SNUPN: variants seen among roughly 807,000 people sequenced by gnomAD.
SNUPN encodes snurportin-1.
A neutral mutation model predicts 39.2 loss-of-function variants in SNUPN; 31 were observed. That is an observed-to-expected ratio of 0.79 (90% CI 0.59 to 1.07). SNUPN has a LOEUF of 1.07. SNUPN is among the 50% of genes least tolerant of loss of function. The pLI, the probability that SNUPN is intolerant of heterozygous loss-of-function variation, is 0.00. For synonymous variants in SNUPN, 132 were observed against 159.0 expected, an observed-to-expected ratio of 0.83 and a Z score of 1.28; for missense variants, 382 against 434.2, an observed-to-expected ratio of 0.88 and a Z score of 1.07.
intron 3 of SNUPN, among the ~76,000 whole-genome samples, chr15:75,612,121 C>A (rs1892799493): frequency 6.6e-6 from 1 of 151,828 alleles, no homozygotes; most frequent in Non-Finnish European, 1.5e-5. Flanking sequence ...CAACCTCCAC[C>A]TCCCGGGTTC....
intron 2 of SNUPN, among the ~76,000 whole-genome samples, chr15:75,617,872 C>T (rs1004817244): frequency 5.3e-5 from 8 of 152,222 alleles, no homozygotes; most frequent in South Asian, 2.1e-4. Context: ...CATGAACCAC[C>T]GCATCTGGCC....
chr15:75,598,192 A>G lies in SNUPN; in HGVS notation c.*166T>C. The G allele has an allele frequency of 1.7e-6, 1 of 603,876 alleles. No homozygotes were observed. The allele number at this position is 603,876 out of a possible 1,614,324, so 37.4% of individuals were successfully genotyped here. ...CTACGCAATCTGGGAACCTCCCCAT[A>G]ACTGTTTGAGCCAGCATTTCAGATT... On this transcript the variant is annotated 3_prime_UTR_variant, in exon 9 of 9. Coordinates refer to ENST00000308588, the MANE Select transcript of SNUPN (RefSeq NM_005701.4).
In SNUPN at chr15:75,621,554, G is replaced by A. The variant is rs567312831; in HGVS notation, c.-5-498C>T. On this transcript the variant is annotated intron_variant, in intron 1 of 8. Coordinates refer to ENST00000308588, the MANE Select transcript of SNUPN (RefSeq NM_005701.4). The stretch of plus-strand genomic sequence containing the variant: ...TGGCATTATAGGTGTGAGCCACTGC[G>A]CCCGGCCTTTTCTGAGCAGTTCCTC... Among the ~76,000 whole-genome samples the A allele has an allele frequency of 6.6e-5, 10 of 152,174 alleles. No individual in the cohort carries two copies. The South Asian group carries it at 1.7e-3, about 25-fold the overall frequency.
Position 75,601,179 on chromosome 15 carries a change from C to T in SNUPN, c.718G>A (p.Glu240Lys), listed in dbSNP as rs142962123. 22 of 1,613,648 alleles carry T rather than the reference C, an allele frequency of 1.4e-5. No individual in the cohort carries two copies. Among genetic ancestry groups the T allele is most frequent in the African/African-American group, 5.3e-5 (4 of 74,916 alleles). The change falls in exon 8 of 9, where the codon GAA (glutamate) becomes AAA (lysine). Residue 240 changes from glutamate (E) to lysine (K), a missense_variant. Coordinates refer to ENST00000308588, the MANE Select transcript of SNUPN (RefSeq NM_005701.4). ...VGLKNFPCTP[E>K]SLCDVLSMDF... is the part of the protein sequence containing the mutation. ...ATAGATAGCACATCACACAGGCTTT[C>T]GGGAGTGCAAGGGAAGTTCTTTAGC...
chr15:75,615,585 AG>A (rs1892902996), intron 3 of SNUPN, among the ~76,000 whole-genome samples: 1 of 148,262 alleles, frequency 6.7e-6, no homozygotes, highest in Non-Finnish European at 1.5e-5. Context: ...CTTGGTTGGA[AG>A]GAATCTCATT....
chr15:75,609,556 A>G lies in SNUPN; in HGVS notation c.502+2T>C. The G allele has an allele frequency of 6.2e-7, 1 of 1,609,748 alleles. No homozygotes were observed. Among genetic ancestry groups the G allele is most frequent in the Non-Finnish European group, 8.5e-7 (1 of 1,175,974 alleles). On this transcript the variant is annotated splice_donor_variant, in intron 5 of 8. Coordinates refer to ENST00000308588, the MANE Select transcript of SNUPN (RefSeq NM_005701.4). LOFTEE classifies it high-confidence loss of function. The stretch of plus-strand genomic sequence containing the variant: ...CAATAAGTAGACACTCTATGTAGGT[A>G]CCTTTTGCTGTTGAGTTTCGCCTGT...
intron 2 of SNUPN, among the ~76,000 whole-genome samples, chr15:75,619,954 G>T (rs1195949738): frequency 6.6e-6 from 1 of 152,062 alleles, no homozygotes; most frequent in Non-Finnish European, 1.5e-5. Context: ...TCGCCATGTT[G>T]GTCAGGCCAG....
chr15:75,610,006 A>G lies in SNUPN; in HGVS notation c.304-12T>C. 1 of 1,600,794 alleles carries G rather than the reference A, an allele frequency of 6.2e-7. No individual in the cohort carries two copies. The highest frequency in any genetic ancestry group is 1.7e-4 in the Middle Eastern group (1 of 6,046). ...TCAGAAAGCATCAACTGGAAATGCA[A>G]AAAATAGTGTTAAAGATCAGCAGGG... On this transcript the variant is annotated splice_polypyrimidine_tract_variant and intron_variant, in intron 3 of 8. Coordinates refer to ENST00000308588, the MANE Select transcript of SNUPN (RefSeq NM_005701.4).
At chr15:75,618,635 T>G (rs1423897989) in intron 2 of SNUPN, among the ~76,000 whole-genome samples, 2 of 152,176 alleles carry the variant, frequency 1.3e-5, no homozygotes, top group African/African-American at 4.8e-5. Flanking sequence ...ATTCAACCAC[T>G]GAGGCAGTGA....
At chr15:75,599,490 C>A (rs2075268510) in intron 8 of SNUPN, among the ~76,000 whole-genome samples, 1 of 152,212 alleles carries the variant, frequency 6.6e-6, no homozygotes, top group South Asian at 2.1e-4. Flanking sequence ...TTGCTGCACA[C>A]AGTGGAAACA....
chr15:75,620,948 T>C lies in SNUPN; in HGVS notation c.104A>G (p.Tyr35Cys), dbSNP rs1350756425. The change falls in exon 2 of 9, where the codon TAC becomes TGC. Residue 35 changes from tyrosine (Y) to cysteine (C), a missense_variant. Transcript: ENST00000308588. ...GCGCTCACTCTGCTCCAAGGAACTG[T>C]ACTTGGACTTGTACTGGGATAGGCG... Reference protein sequence around the residue: ...HPRLSQYKSKYSSLEQSERRR... With the variant: ...HPRLSQYKSKCSSLEQSERRR... 3 of 1,614,146 alleles carry C rather than the reference T, an allele frequency of 1.9e-6. No individual in the cohort carries two copies. Among genetic ancestry groups the C allele is most frequent in the East Asian group, 4.5e-5 (2 of 44,878 alleles).
intron 6 of SNUPN, 144 bp downstream of exon 6, chr15:75,607,072 C>G: frequency 4.4e-6 from 3 of 677,532 alleles, no homozygotes; most frequent in Non-Finnish European, 8.1e-6. Context: ...CTCAAAGATG[C>G]AGGGAGCATT....
intron 3 of SNUPN, among the ~76,000 whole-genome samples, chr15:75,610,599 T>C (rs749225076): frequency 6.6e-6 from 1 of 152,090 alleles, no homozygotes; most frequent in Non-Finnish European, 1.5e-5. Flanking sequence ...GTCAGGGTGA[T>C]GAACCCTCTT....
rs199552646 is a variant in SNUPN, at chr15:75,601,129, T to A, written c.759+9A>T. The stretch of plus-strand genomic sequence containing the variant: ...CATGTCAAGGCAATAAAGACAATGG[T>A]TTCGTTACCTCAAAAGGGAAATCCA... On this transcript the variant is annotated intron_variant, in intron 8 of 8. Coordinates refer to ENST00000308588, the MANE Select transcript of SNUPN (RefSeq NM_005701.4). 6.2e-6 allele frequency: 10 copies of A among 1,604,774 alleles called. No individual in the cohort carries two copies. The Admixed American group carries it at 1.3e-4, about 21-fold the overall frequency.
chr15:75,609,410 C>T (rs536249156), intron 5 of SNUPN, 148 bp downstream of exon 5: 65 of 617,982 alleles, frequency 1.1e-4, no homozygotes, highest in African/African-American at 6.8e-4. Flanking sequence ...AGGATGGTCT[C>T]GATCTCCTGA....
intron 7 of SNUPN, among the ~76,000 whole-genome samples, chr15:75,602,535 A>G (rs1214599364): frequency 6.6e-6 from 1 of 151,818 alleles, no homozygotes; most frequent in Non-Finnish European, 1.5e-5. Context: ...CAAAAAAAAA[A>G]AAAAAAATAT....
At chr15:75,625,380 C>A (rs957669455) in intron 1 of SNUPN, 2 of 151,776 alleles carry the variant, frequency 1.3e-5, no homozygotes, top group African/African-American at 4.9e-5. Context: ...CTGCTTCACT[C>A]GGCCGTGCGC....
intron 7 of SNUPN, among the ~76,000 whole-genome samples, chr15:75,604,905 T>C (rs939931473): frequency 3.3e-5 from 5 of 152,150 alleles, no homozygotes; most frequent in Admixed American, 6.6e-5. Context: ...CCAAAGTCCA[T>C]TGTGTCATTC....
chr15:75,619,461 G>A (rs1893015966), intron 2 of SNUPN, among the ~76,000 whole-genome samples: 1 of 151,908 alleles, frequency 6.6e-6, no homozygotes, highest in Non-Finnish European at 1.5e-5. Context: ...GAGCAATATA[G>A]GGAGACCCTG....
Sources: gnomAD v4.1 joint callset for allele counts (sites outside exome capture counted in the v4.1 genomes callset) on GRCh38, gnomAD v4.1.1 for gene constraint, MANE v1.5 for transcripts, NCBI Gene and HGNC (gene_info 2026-07-23, HGNC 2026-07-21) for gene names.